Variants in USP29 observed in about 807,000 individuals in gnomAD.
The protein encoded by USP29 is ubiquitin specific peptidase 29, also known as ubiquitin carboxyl-terminal hydrolase 29.
For synonymous variants in USP29, 386 were observed against 387.4 expected, an observed-to-expected ratio of 1.00 and a Z score of 0.04; for missense variants, 1,102 against 1,069.0, an observed-to-expected ratio of 1.03 and a Z score of -0.43.
intron 1 of USP29, among the ~76,000 whole-genome samples, chr19:57,121,694 C>A (rs2086798205): frequency 6.8e-6 from 1 of 146,608 alleles, no homozygotes; most frequent in South Asian, 2.1e-4. Context: ...TATGTACTTA[C>A]ATATGTTATA....
Position 57,130,478 on chromosome 19 carries a change from C to T in USP29, c.1803C>T (p.Ala601=), listed in dbSNP as rs570217542. The T allele has an allele frequency of 8.7e-6, 14 of 1,614,068 alleles. No individual in the cohort carries two copies. Among genetic ancestry groups the T allele is most frequent in the East Asian group, 2.2e-5 (1 of 44,878 alleles). The change falls in exon 4 of 4, where the codon GCC becomes GCT. Residue 601 remains alanine (A), a synonymous_variant. Coordinates refer to ENST00000254181, the MANE Select transcript of USP29 (RefSeq NM_020903.3). ...LVLPVEPDKN[A]DLQRFQRDCG... ...TACCCGTTGAACCAGACAAGAATGCCGACCTACAAAGATTCCAGAGAGACT... is the reference window on the plus strand; with the variant it reads ...TACCCGTTGAACCAGACAAGAATGCTGACCTACAAAGATTCCAGAGAGACT...
intron 2 of USP29, among the ~76,000 whole-genome samples, chr19:57,123,329 C>T (rs2086807597): frequency 6.6e-6 from 1 of 152,124 alleles, no homozygotes; most frequent in African/African-American, 2.4e-5. Context: ...CCCTTCCCTC[C>T]CATGATGGAG....
In USP29 at chr19:57,130,871, A is replaced by C; in HGVS notation, c.2196A>C (p.Glu732Asp). ...RIPEGSQGMAEQLQQCIEESI... is the reference protein window; with the variant it reads ...RIPEGSQGMADQLQQCIEESI... ...CAGAAGGATCTCAAGGAATGGCTGA[A>C]CAGCTCCAGCAGTGTATTGAGGAGA... is the stretch of plus-strand genomic sequence containing the variant. Residue 732 changes from glutamate (E) to aspartate (D), a missense_variant, in exon 4 of 4, where the codon GAA (glutamate) becomes GAC (aspartate). Physicochemically the swap from Glu to Asp is conservative, Grantham distance 45. Transcript: ENST00000254181. The C allele has an allele frequency of 6.2e-7, 1 of 1,614,212 alleles. No homozygotes were observed. Among genetic ancestry groups the C allele is most frequent in the Non-Finnish European group, 8.5e-7 (1 of 1,180,040 alleles).
At chr19:57,121,184 A>G (rs1184891687) in intron 1 of USP29, among the ~76,000 whole-genome samples, 1 of 151,300 alleles carries the variant, frequency 6.6e-6, no homozygotes, top group Non-Finnish European at 1.5e-5. Context: ...CAAACAGGGT[A>G]ACTACTAGAA....
Position 57,131,609 on chromosome 19 carries a change from A to G in USP29, c.*165A>G. 2 of 1,133,918 alleles carry G rather than the reference A, an allele frequency of 1.8e-6. No individual in the cohort carries two copies. The highest frequency in any genetic ancestry group is 2.5e-6 in the Non-Finnish European group (2 of 813,044). The allele number at this position is 1,133,918 out of a possible 1,614,324, so 70.2% of individuals were successfully genotyped here. On this transcript the variant is annotated 3_prime_UTR_variant, in exon 4 of 4. Coordinates refer to ENST00000254181, the MANE Select transcript of USP29 (RefSeq NM_020903.3). ...AATATCTATTTTAACTGCTTCAGAC[A>G]CCTAGATCCCAGAACTCAGGCGCAT...
At chr19:57,123,220 A>G (rs891020311) in intron 2 of USP29, among the ~76,000 whole-genome samples, 5 of 152,166 alleles carry the variant, frequency 3.3e-5, no homozygotes, top group Admixed American at 2.0e-4. Context: ...ATTGAATATC[A>G]TATGGTCACT....
intron 2 of USP29, among the ~76,000 whole-genome samples, chr19:57,122,990 A>G (rs2086805882): frequency 6.6e-6 from 1 of 152,212 alleles, no homozygotes; most frequent in South Asian, 2.1e-4. Context: ...CTGAGGACAC[A>G]TTAATTATAA....
Position 57,129,533 on chromosome 19 carries a change from G to A in USP29, c.858G>A (p.Gly286=), listed in dbSNP as rs2086843235. The stretch of plus-strand genomic sequence containing the variant: ...CTCATTCACAGCAACTGCAGCAGGG[G>A]TTCCCCAATTTGGGAAACACCTGTT... ...LDSHSQQLQQ[G]FPNLGNTCYM... is the part of the protein sequence containing the mutation. The change falls in exon 4 of 4, where the codon GGG becomes GGA. Residue 286 remains glycine (G), a synonymous_variant. Coordinates refer to ENST00000254181, the MANE Select transcript of USP29 (RefSeq NM_020903.3). The A allele has an allele frequency of 1.2e-6, 2 of 1,614,038 alleles. No individual in the cohort carries two copies. The highest frequency in any genetic ancestry group is 1.7e-5 in the Admixed American group (1 of 60,008).
At chr19:57,121,425 A>G (rs1230418627) in intron 1 of USP29, among the ~76,000 whole-genome samples, 1 of 122,760 alleles carries the variant, frequency 8.1e-6, no homozygotes, top group Non-Finnish European at 1.9e-5. Flanking sequence ...TATGTTATAT[A>G]TACTTATGTT....
In USP29 at chr19:57,131,204, C is replaced by T. The variant is rs776535799; in HGVS notation, c.2529C>T (p.Ser843=). The change falls in exon 4 of 4, where the codon AGC becomes AGT. Residue 843 remains serine, a synonymous_variant. Coordinates refer to ENST00000254181, the MANE Select transcript of USP29 (RefSeq NM_020903.3). ...CCCCAAATTCAGGCCATTACATCAG[C>T]GATGTGTATGACTTTCAGAAGCAGG... ...GSSPNSGHYI[S]DVYDFQKQAW... is the part of the protein sequence containing the mutation. 1.9e-5 allele frequency: 31 copies of T among 1,614,070 alleles called. No homozygotes were observed. The South Asian group carries it at 2.0e-4, about 10-fold the overall frequency.
intron 3 of USP29, among the ~76,000 whole-genome samples, chr19:57,127,731 T>C (rs1475054535): frequency 2.0e-5 from 3 of 152,176 alleles, no homozygotes. Flanking sequence ...GAGTGGGACC[T>C]GCTGAGTGAG....
chr19:57,130,539 C>A lies in USP29; in HGVS notation c.1864C>A (p.Leu622Met). Residue 622 changes from leucine to methionine, a missense_variant, in exon 4 of 4, where the codon CTG (leucine) becomes ATG (methionine). Transcript: ENST00000254181. ...AAGCCAAGAGCAGCATCAGAGAGAC[C>A]TGGAAAATGGCTCTGCACTAGAGTC... is the stretch of plus-strand genomic sequence containing the variant. ...DASQEQHQRD[L>M]ENGSALESEL... is the part of the protein sequence containing the mutation. The A allele has an allele frequency of 1.2e-6, 2 of 1,614,140 alleles. No individual in the cohort carries two copies. Among genetic ancestry groups the A allele is most frequent in the Non-Finnish European group, 1.7e-6 (2 of 1,180,030 alleles).
rs1458539730 is a variant in USP29 at position 57,128,659 on chromosome 19, G to A, written c.-16-1G>A. 2.0e-6 allele frequency: 3 copies of A among 1,537,938 alleles called. No homozygotes were observed. Among genetic ancestry groups the A allele is most frequent in the Non-Finnish European group, 2.6e-6 (3 of 1,148,200 alleles). On this transcript the variant is annotated splice_acceptor_variant, in intron 3 of 3. Coordinates refer to ENST00000254181, the MANE Select transcript of USP29 (RefSeq NM_020903.3). LOFTEE classifies it low-confidence loss of function (5UTR_SPLICE). ...AATGCATGTGTGCTTTTCTTCTTTA[G>A]GTTACATAAAGAAAGGATGATATCT...
In USP29 at chr19:57,129,061, T is replaced by C. The variant is rs755749067; in HGVS notation, c.386T>C (p.Ile129Thr). 21 of 1,612,442 alleles carry C rather than the reference T, an allele frequency of 1.3e-5. No homozygotes were observed. Among genetic ancestry groups the C allele is most frequent in the African/African-American group, 2.7e-5 (2 of 74,866 alleles). Residue 129 changes from isoleucine to threonine, a missense_variant, in exon 4 of 4, where the codon ATT becomes ACT. By Grantham distance (89) the Ile-to-Thr change is moderately conservative. Transcript: ENST00000254181. ...VFESRNMLKE[I>T]DKTSFYSICN... ...GAAAGCAGGAATATGCTGAAGGAAA[T>C]TGACAAAACTTCATTTTACAGCATT...
intron 1 of USP29, among the ~76,000 whole-genome samples, chr19:57,120,736 G>A (rs1232865168): frequency 8.6e-6 from 1 of 115,628 alleles, no homozygotes; most frequent in African/African-American, 3.3e-5. Flanking sequence ...GCAGTGAGCC[G>A]AGATCACACC....
intron 1 of USP29, among the ~76,000 whole-genome samples, chr19:57,122,024 A>G (rs888812754): frequency 1.6e-4 from 24 of 152,138 alleles, no homozygotes; most frequent in African/African-American, 5.8e-4. Context: ...CAGATGTGGC[A>G]AAATATACAC....
chr19:57,127,081 G>A (rs976860681), intron 3 of USP29, among the ~76,000 whole-genome samples: 1 of 152,186 alleles, frequency 6.6e-6, no homozygotes, highest in Admixed American at 6.5e-5. Context: ...TATCCCCAGC[G>A]GAGGCTGCAG....
upstream of USP29, among the ~76,000 whole-genome samples, chr19:57,119,606 A>G (rs1233905713): frequency 2.0e-5 from 3 of 152,120 alleles, no homozygotes; most frequent in Non-Finnish European, 4.4e-5. Flanking sequence ...TATTTTTAGT[A>G]GAGACGGGGT....
rs192715200 is a variant in USP29, at chr19:57,129,838, T to A, written c.1163T>A (p.Met388Lys). Reference sequence around the variant, plus strand: ...TGTTTAGACCAGCTGAAAGAAGACATGGAAAAATTAAATGCCACTTTGAAT... The same window carrying A: ...TGTTTAGACCAGCTGAAAGAAGACAAGGAAAAATTAAATGCCACTTTGAAT... ...GQCLDQLKEDMEKLNATLNTG... is the reference protein window; with the variant it reads ...GQCLDQLKEDKEKLNATLNTG... The change falls in exon 4 of 4, where the codon ATG (methionine) becomes AAG (lysine). Residue 388 changes from methionine to lysine, a missense_variant. Met to Lys is a moderately conservative substitution (Grantham distance 95, BLOSUM62 -1). Coordinates refer to ENST00000254181, the MANE Select transcript of USP29 (RefSeq NM_020903.3). The A allele has an allele frequency of 6.2e-6, 10 of 1,613,998 alleles. No individual in the cohort carries two copies. In the African/African-American group the frequency reaches 1.2e-4, roughly 19 times the overall value.
Sources: allele counts gnomAD v4.1 joint callset (sites outside exome capture counted in the v4.1 genomes callset), GRCh38; gene constraint gnomAD v4.1.1; transcripts MANE v1.5; gene names NCBI Gene and HGNC (gene_info 2026-07-23, HGNC 2026-07-21).